The following ACSL5 variants were observed in gnomAD, a reference collection of about 807,000 sequenced individuals.
The protein encoded by ACSL5 is acyl-CoA synthetase long chain family member 5.
ACSL5 carries 50 observed loss-of-function variants against 84.9 expected under a neutral mutation model. The ratio of observed to expected loss-of-function variants is 0.59; its 90% CI spans 0.47 to 0.75. The LOEUF is 0.75. Ranked by LOEUF, ACSL5 falls within the 30% of genes least tolerant of loss-of-function variation. The probability of loss-of-function intolerance (pLI) is 0.00; values close to 1 mark genes in which losing one functional copy is unlikely to be tolerated. For synonymous variants in ACSL5, 280 were observed against 300.7 expected, an observed-to-expected ratio of 0.93 and a Z score of 0.71; for missense variants, 775 against 830.4, an observed-to-expected ratio of 0.93 and a Z score of 0.82.
Position 112,404,523 on chromosome 10 carries a change from G to A in ACSL5, c.278G>A (p.Cys93Tyr). The A allele has an allele frequency of 6.2e-7, 1 of 1,613,364 alleles. No individual in the cohort carries two copies. Among genetic ancestry groups the A allele is most frequent in the South Asian group, 1.1e-5 (1 of 91,052 alleles). ...RGLAVSDNGP[C>Y]LGYRKPNQPY... The stretch of plus-strand genomic sequence containing the variant: ...ATTATGTTTTTAGACAATGGGCCCT[G>A]CTTGGGATATAGAAAACCAAACCAG... Residue 93 changes from cysteine (C) to tyrosine (Y), a missense_variant, in exon 4 of 21, where the codon TGC (cysteine) becomes TAC (tyrosine). Coordinates refer to ENST00000354655, the MANE Select transcript of ACSL5 (RefSeq NM_203379.2).
rs1436023254 is a variant in ACSL5, at chr10:112,422,459, A to T, written c.1593+18A>T. On this transcript the variant is annotated intron_variant, in intron 17 of 20. Coordinates refer to ENST00000354655, the MANE Select transcript of ACSL5 (RefSeq NM_203379.2). The stretch of plus-strand genomic sequence containing the variant: ...GGCTCCCGGTAGGTATATCATCAGA[A>T]CTCCTGGAAGTCTATGCTAATGGAC... 1 of 1,605,174 alleles carries T rather than the reference A, an allele frequency of 6.2e-7. No individual in the cohort carries two copies. The highest frequency in any genetic ancestry group is 1.1e-5 in the South Asian group (1 of 90,722).
chr10:112,400,354 T>C (rs1297955899), intron 3 of ACSL5, among the ~76,000 whole-genome samples: 1 of 150,966 alleles, frequency 6.6e-6, no homozygotes, highest in African/African-American at 2.4e-5. Flanking sequence ...TAGCTAGGAC[T>C]ACAGGCATGT....
At chr10:112,399,915 G>T (rs1344105860) in intron 3 of ACSL5, among the ~76,000 whole-genome samples, 1 of 152,220 alleles carries the variant, frequency 6.6e-6, no homozygotes, top group Non-Finnish European at 1.5e-5. Context: ...ACTAGAAAAT[G>T]TCAGAGCTGA....
intron 2 of ACSL5, among the ~76,000 whole-genome samples, chr10:112,398,441 G>A (rs546664891): frequency 1.7e-4 from 26 of 150,052 alleles, no homozygotes; most frequent in South Asian, 6.3e-4. Flanking sequence ...GTCTCACTCC[G>A]TTGCCCAGGC....
At chr10:112,417,727 A>G in intron 13 of ACSL5, 119 bp from the exon 14 acceptor site, 2 of 782,582 alleles carry the variant, frequency 2.6e-6, no homozygotes, top group Non-Finnish European at 4.5e-6. Flanking sequence ...TTAACGTGAG[A>G]ATTGATGTCA....
intron 1 of ACSL5, among the ~76,000 whole-genome samples, chr10:112,377,400 C>T (rs1399097409): frequency 6.6e-6 from 1 of 152,118 alleles, no homozygotes; most frequent in East Asian, 1.9e-4. Flanking sequence ...ATTAGCTTGG[C>T]GTGGTGGCGT....
intron 3 of ACSL5, among the ~76,000 whole-genome samples, chr10:112,399,296 C>T (rs1843820534): frequency 6.6e-6 from 1 of 152,256 alleles, no homozygotes; most frequent in Non-Finnish European, 1.5e-5. Context: ...GAAGAACGTC[C>T]CTGCCAAAAC....
At chr10:112,394,005 G>A (rs1843695062) in intron 1 of ACSL5, among the ~76,000 whole-genome samples, 1 of 152,026 alleles carries the variant, frequency 6.6e-6, no homozygotes, top group Non-Finnish European at 1.5e-5. Context: ...TCCTAATCCA[G>A]TTTGAAAGCT....
chr10:112,412,150 G>A (rs1844192912), intron 11 of ACSL5, 171 bp downstream of exon 11: 1 of 647,750 alleles, frequency 1.5e-6, no homozygotes, highest in Non-Finnish European at 2.7e-6. Context: ...CTCATTTCCT[G>A]CAGAGTCTTC....
At chr10:112,402,423 G>A (rs1277260764) in intron 3 of ACSL5, among the ~76,000 whole-genome samples, 1 of 152,130 alleles carries the variant, frequency 6.6e-6, no homozygotes, top group African/African-American at 2.4e-5. Flanking sequence ...TTTAATAAAT[G>A]GTAGCTATCA....
chr10:112,427,314 T>C lies in ACSL5; in HGVS notation c.2008T>C (p.Phe670Leu). The C allele has an allele frequency of 6.2e-7, 1 of 1,613,858 alleles. No individual in the cohort carries two copies. The highest frequency in any genetic ancestry group is 8.5e-7 in the Non-Finnish European group (1 of 1,179,880). ...KAKRGELSKYFRTQIDSLYEH... is the reference protein window; with the variant it reads ...KAKRGELSKYLRTQIDSLYEH... ...AAAGCGAGGAGAGCTTTCCAAATAC[T>C]TTCGGACCCAAATTGACAGCCTGTA... The change falls in exon 21 of 21, where the codon TTT becomes CTT. Residue 670 changes from phenylalanine to leucine, a missense_variant. By Grantham distance (22) the Phe-to-Leu change is conservative (BLOSUM62 0). Transcript: ENST00000354655.
At chr10:112,426,692 A>C in intron 19 of ACSL5, 96 bp from the exon 20 acceptor site, 1 of 1,062,688 alleles carries the variant, frequency 9.4e-7, no homozygotes, top group East Asian at 2.4e-5. Context: ...CTGCTTTCAT[A>C]CTGCATGGCT....
At chr10:112,384,742 C>A (rs1030627963) in intron 1 of ACSL5, among the ~76,000 whole-genome samples, 5 of 152,130 alleles carry the variant, frequency 3.3e-5, no homozygotes, top group Non-Finnish European at 7.4e-5. Flanking sequence ...GTCTCAAACT[C>A]CTGGGCTCAA....
chr10:112,421,716 C>T, intron 15 of ACSL5, 51 bp downstream of exon 15: 1 of 1,533,156 alleles, frequency 6.5e-7, no homozygotes, highest in East Asian at 2.2e-5. Context: ...GAGAAAGGTT[C>T]TAACTGAACT....
chr10:112,413,441 C>A, intron 12 of ACSL5, 134 bp downstream of exon 12: 3 of 1,157,424 alleles, frequency 2.6e-6, no homozygotes, highest in African/African-American at 1.5e-5. Flanking sequence ...TAAATACAAT[C>A]CCCGCCAGGT....
rs138004393 is a variant in ACSL5 at position 112,383,862 on chromosome 10, G to A, written c.-30+9593G>A. 2.6e-3 allele frequency among the ~76,000 whole-genome samples: 399 copies of A among 151,846 alleles called. 1 individual carries two copies. The highest frequency in any genetic ancestry group is 3.4e-3 in the Non-Finnish European group (232 of 67,954). On this transcript the variant is annotated intron_variant, in intron 1 of 20. Transcript: ENST00000354655. ...TCAGATTAAACAGTACACATCAAGTGTTACCTTCCCACTGAGACTACGCTA... is the reference window on the plus strand; with the variant it reads ...TCAGATTAAACAGTACACATCAAGTATTACCTTCCCACTGAGACTACGCTA...
At position 112,426,356 on chromosome 10, in the gene ACSL5, C is replaced by A. The variant is rs780276307; in HGVS notation, c.1836C>A (p.Asn612Lys). 5 of 1,613,666 alleles carry A rather than the reference C, an allele frequency of 3.1e-6. No homozygotes were observed. The African/African-American group carries it at 5.3e-5, about 17-fold the overall frequency. ...GCTCCTTTGAGGAACTGTGCCAAAA[C>A]CAAGTAAGTCTTGCCTAGGAAAGCT... The part of the protein sequence containing the change: ...VKGSFEELCQ[N>K]QVVREAILED... Residue 612 changes from asparagine to lysine, a missense_variant, in exon 19 of 21, where the codon AAC becomes AAA. Coordinates refer to ENST00000354655, the MANE Select transcript of ACSL5 (RefSeq NM_203379.2).
chr10:112,409,344 C>A, intron 6 of ACSL5, 163 bp from the exon 7 acceptor site: 1 of 601,262 alleles, frequency 1.7e-6, no homozygotes. Flanking sequence ...CATTTATCAT[C>A]AATGGAATGT....
At chr10:112,410,385 G>C (rs1369891552) in intron 7 of ACSL5, 78 bp from the exon 8 acceptor site, 1 of 1,606,540 alleles carries the variant, frequency 6.2e-7, no homozygotes, top group African/African-American at 1.3e-5. Flanking sequence ...TCACGGGAAA[G>C]GGAGGGAGAG....
Sources: allele counts gnomAD v4.1 joint callset (sites outside exome capture counted in the v4.1 genomes callset), GRCh38; gene constraint gnomAD v4.1.1; transcripts MANE v1.5; gene names NCBI Gene and HGNC (gene_info 2026-07-23, HGNC 2026-07-21).